The following MYRIP variants were observed in gnomAD, a reference collection of about 807,000 sequenced individuals.
The protein encoded by MYRIP is myosin VIIA and Rab interacting protein, also known as rab effector MyRIP.
In MYRIP, 49 loss-of-function variants were observed where a neutral mutation model predicts 98.0. That is an observed-to-expected ratio of 0.50 (90% CI 0.40 to 0.63). The LOEUF (loss-of-function observed/expected upper bound fraction) is 0.63. MYRIP is among the 30% of genes least tolerant of loss of function. The pLI is 0.00. For synonymous variants in MYRIP, 404 were observed against 409.5 expected (o/e 0.99, Z 0.16); for missense variants, 1,004 against 1,058.2 (o/e 0.95, Z 0.71).
At position 40,234,101 on chromosome 3, in the gene MYRIP, A is replaced by G. The variant is rs368312931; in HGVS notation, c.2100+48A>G. On this transcript the variant is annotated intron_variant, in intron 12 of 16. Coordinates refer to ENST00000302541, the MANE Select transcript of MYRIP (RefSeq NM_015460.4). ...TGTCTAGGGTGAATGTATGTGAAGA[A>G]GAAGCTGATGAAATTGTAGCTTATC... 14 of 1,534,328 alleles carry G rather than the reference A, an allele frequency of 9.1e-6. No individual in the cohort carries two copies. The African/African-American group carries it at 2.0e-4, about 21-fold the overall frequency.
intron 15 of MYRIP, 124 bp downstream of exon 15, chr3:40,250,623 G>A: frequency 8.6e-7 from 1 of 1,161,438 alleles, no homozygotes; most frequent in Non-Finnish European, 1.2e-6. Flanking sequence ...AATTGCTCTT[G>A]TCTATCTTGA....
intron 1 of MYRIP, among the ~76,000 whole-genome samples, chr3:39,850,895 G>C (rs1032852686): frequency 6.6e-6 from 1 of 152,134 alleles, no homozygotes; most frequent in South Asian, 2.1e-4. Context: ...GAAGAGCTGT[G>C]TATTTTTATT....
Position 40,166,863 on chromosome 3 carries a change from A to C in MYRIP, c.568A>C (p.Thr190Pro). The C allele has an allele frequency of 6.2e-7, 1 of 1,613,132 alleles. No individual in the cohort carries two copies. The highest frequency in any genetic ancestry group is 8.5e-7 in the Non-Finnish European group (1 of 1,179,120). ...CTGTCTAGGACATAGTGTGATGGAC[A>C]CCTTGGCTGTGGCCCTACGGGTGGC... ...RQSEGHSVMD[T>P]LAVALRVAEE... The change falls in exon 6 of 17, where the codon ACC (threonine) becomes CCC (proline). Residue 190 changes from threonine to proline, a missense_variant. Transcript: ENST00000302541.
intron 10 of MYRIP, 91 bp downstream of exon 10, chr3:40,190,554 G>A: frequency 6.8e-7 from 1 of 1,478,262 alleles, no homozygotes; most frequent in Non-Finnish European, 9.0e-7. Context: ...TCCTGGGTTT[G>A]GAATCCGCAG....
chr3:40,163,507 C>T (rs1168043886), intron 5 of MYRIP, among the ~76,000 whole-genome samples: 4 of 152,216 alleles, frequency 2.6e-5, no homozygotes, highest in African/African-American at 9.6e-5. Flanking sequence ...GATCCGCCCT[C>T]ATCAGTATGA....
chr3:40,227,773 G>T (rs2057829575), intron 11 of MYRIP, among the ~76,000 whole-genome samples: 1 of 152,224 alleles, frequency 6.6e-6, no homozygotes, highest in South Asian at 2.1e-4. Flanking sequence ...CTGCAGAGCA[G>T]GTGGGAGGTG....
At chr3:40,214,237 G>A (rs950603480) in intron 11 of MYRIP, among the ~76,000 whole-genome samples, 2 of 152,170 alleles carry the variant, frequency 1.3e-5, no homozygotes, top group Non-Finnish European at 2.9e-5. Flanking sequence ...GCTACTGATA[G>A]GCCTCATCTC....
intron 1 of MYRIP, among the ~76,000 whole-genome samples, chr3:39,889,928 A>G (rs1310535749): frequency 1.3e-5 from 2 of 152,144 alleles, no homozygotes; most frequent in African/African-American, 4.8e-5. Flanking sequence ...CCACACCAGG[A>G]TAATTCCAAA....
intron 10 of MYRIP, among the ~76,000 whole-genome samples, chr3:40,202,929 A>AT (rs1466868700): frequency 6.6e-6 from 1 of 150,916 alleles, no homozygotes; most frequent in Non-Finnish European, 1.5e-5. Flanking sequence ...TTATTTATTT[A>AT]TTTATTTATT....
chr3:40,048,820 A>G (rs1429505057), intron 3 of MYRIP, among the ~76,000 whole-genome samples: 1 of 152,164 alleles, frequency 6.6e-6, no homozygotes, highest in Admixed American at 6.5e-5. Context: ...AGATTAAAAA[A>G]TTAAATGTAT....
chr3:40,216,436 A>G (rs1297365908), intron 11 of MYRIP, among the ~76,000 whole-genome samples: 2 of 152,188 alleles, frequency 1.3e-5, no homozygotes, highest in Non-Finnish European at 2.9e-5. Flanking sequence ...CTCTGGGTAG[A>G]AAATATAAAA....
intron 2 of MYRIP, among the ~76,000 whole-genome samples, chr3:39,952,554 A>G (rs71329597): frequency 0.03 from 4,609 of 152,196 alleles, 122 homozygotes; most frequent in Non-Finnish European, 0.041. Context: ...TTGTTTTGTA[A>G]TATTTTTAGA....
chr3:39,844,923 C>T (rs576786695), intron 1 of MYRIP, among the ~76,000 whole-genome samples: 2 of 152,312 alleles, frequency 1.3e-5, no homozygotes, highest in Admixed American at 6.5e-5. Context: ...ACTCTGCCAC[C>T]TGGACTTGCT....
Position 39,994,907 on chromosome 3 carries a change from T to C in MYRIP, c.111-49143T>C, listed in dbSNP as rs569787951. ...ATATCTGCTGTTCTGCAGCCTCTGC[T>C]GCTGATACCCAGGCAAACAGGGTCT... On this transcript the variant is annotated intron_variant, in intron 2 of 16. Transcript: ENST00000302541. Among the ~76,000 whole-genome samples the C allele has an allele frequency of 2.0e-5, 3 of 152,356 alleles. No homozygotes were observed. The East Asian group carries it at 5.8e-4, about 29-fold the overall frequency.
intron 3 of MYRIP, among the ~76,000 whole-genome samples, chr3:40,133,151 A>G (rs928099002): frequency 1.3e-5 from 2 of 152,240 alleles, no homozygotes; most frequent in East Asian, 1.9e-4. Flanking sequence ...TACATAAACA[A>G]CAACAGTGCA....
At chr3:39,963,063 T>A (rs936052127) in intron 2 of MYRIP, among the ~76,000 whole-genome samples, 1 of 152,130 alleles carries the variant, frequency 6.6e-6, no homozygotes, top group African/African-American at 2.4e-5. Flanking sequence ...ATCATCTAGA[T>A]GTTATAGAAA....
At chr3:40,228,570 C>T (rs576509570) in intron 11 of MYRIP, among the ~76,000 whole-genome samples, 2 of 152,274 alleles carry the variant, frequency 1.3e-5, no homozygotes, top group African/African-American at 4.8e-5. Context: ...GTACGCTTCC[C>T]TATCTCTCTA....
intron 3 of MYRIP, among the ~76,000 whole-genome samples, chr3:40,048,335 A>G (rs1947713643): frequency 6.6e-6 from 1 of 152,076 alleles, no homozygotes; most frequent in Middle Eastern, 3.2e-3. Context: ...ATTTCTAGCT[A>G]TTTATCCAGT....
At chr3:40,202,044 C>A (rs1455209032) in intron 10 of MYRIP, among the ~76,000 whole-genome samples, 1 of 152,142 alleles carries the variant, frequency 6.6e-6, no homozygotes, top group Non-Finnish European at 1.5e-5. Flanking sequence ...ACACTGAGTG[C>A]CCTAGAGTCG....
Sources: allele counts gnomAD v4.1 joint callset (sites outside exome capture counted in the v4.1 genomes callset), GRCh38; gene constraint gnomAD v4.1.1; transcripts MANE v1.5; gene names NCBI Gene and HGNC (gene_info 2026-07-23, HGNC 2026-07-21).